The following ABCC9 variants were observed in gnomAD, a reference collection of about 807,000 sequenced individuals.
The protein encoded by ABCC9 is ATP-binding cassette sub-family C member 9.
ABCC9 carries 95 observed loss-of-function variants against 188.3 expected under a neutral mutation model. The observed-to-expected ratio is 0.50, with a 90% CI of 0.43 to 0.60. The LOEUF is 0.60. ABCC9 is among the 20% of genes least tolerant of loss of function. The pLI is 0.00. For synonymous variants in ABCC9, 659 were observed against 652.7 expected (o/e 1.01, Z -0.15); for missense variants, 1,102 against 1,876.3 (o/e 0.59, Z 7.62).
chr12:21,804,262 A>T (rs577728873), intron 39 of ABCC9, among the ~76,000 whole-genome samples: 1 of 152,346 alleles, frequency 6.6e-6, no homozygotes, highest in African/African-American at 2.4e-5. Context: ...TAATTAGGAA[A>T]CCTAACATTT....
intron 10 of ABCC9, 103 bp from the exon 11 acceptor site, chr12:21,908,314 A>C: frequency 7.2e-7 from 1 of 1,394,194 alleles, no homozygotes; most frequent in Non-Finnish European, 1.0e-6. Flanking sequence ...CTTAATTATT[A>C]TATTGTTTAT....
chr12:21,840,466 C>T (rs1944325852), intron 29 of ABCC9, among the ~76,000 whole-genome samples: 1 of 152,162 alleles, frequency 6.6e-6, no homozygotes, highest in Non-Finnish European at 1.5e-5. Flanking sequence ...GAACAGAATT[C>T]ACAATTCAAA....
At chr12:21,830,415 C>T (rs538258472) in intron 30 of ABCC9, among the ~76,000 whole-genome samples, 1 of 152,276 alleles carries the variant, frequency 6.6e-6, no homozygotes, top group Non-Finnish European at 1.5e-5. Context: ...ATAGAGACCT[C>T]CCATCTATGG....
chr12:21,865,482 C>T (rs1020123183), intron 18 of ABCC9, among the ~76,000 whole-genome samples: 1 of 152,080 alleles, frequency 6.6e-6, no homozygotes, highest in African/African-American at 2.4e-5. Context: ...ATATTTTCCA[C>T]GCAATATGCT....
chr12:21,845,903 A>G, intron 25 of ABCC9, 71 bp from the exon 26 acceptor site: 1 of 1,091,436 alleles, frequency 9.2e-7, no homozygotes, highest in Non-Finnish European at 1.4e-6. Context: ...TGCTCCACAA[A>G]TAGTATATAA....
At chr12:21,806,127 A>G (rs1941825593) in intron 38 of ABCC9, 67 bp from the exon 39 acceptor site, 1 of 1,407,284 alleles carries the variant, frequency 7.1e-7, no homozygotes, top group East Asian at 2.3e-5. Flanking sequence ...TGCCCCAAGA[A>G]CAATCAATAT....
chr12:21,858,650 G>A (rs1945349584), intron 22 of ABCC9, among the ~76,000 whole-genome samples: 2 of 151,994 alleles, frequency 1.3e-5, no homozygotes, highest in Non-Finnish European at 2.9e-5. Context: ...GTGTTTTTAG[G>A]TTTTGAGGGG....
At chr12:21,832,642 G>A (rs1943839391) in intron 30 of ABCC9, among the ~76,000 whole-genome samples, 1 of 151,914 alleles carries the variant, frequency 6.6e-6, no homozygotes, top group African/African-American at 2.4e-5. Context: ...ATATTGACGT[G>A]GTGAAAAGGG....
At chr12:21,939,554 T>A (rs1406030154) in intron 2 of ABCC9, among the ~76,000 whole-genome samples, 1 of 152,214 alleles carries the variant, frequency 6.6e-6, no homozygotes, top group East Asian at 1.9e-4. Flanking sequence ...CTGTTCTTGC[T>A]GGCTAAACTC....
chr12:21,890,265 A>C (rs1458984589), intron 14 of ABCC9, among the ~76,000 whole-genome samples: 3 of 152,146 alleles, frequency 2.0e-5, no homozygotes, highest in African/African-American at 7.2e-5. Flanking sequence ...CGCTTCTTAA[A>C]GTGACAACTG....
At chr12:21,905,584 C>T (rs911683069) in intron 12 of ABCC9, among the ~76,000 whole-genome samples, 4 of 151,688 alleles carry the variant, frequency 2.6e-5, no homozygotes, top group Non-Finnish European at 2.9e-5. Context: ...ATAATAAAAG[C>T]GAGATATTTT....
chr12:21,885,357 A>C (rs950852160), intron 15 of ABCC9, among the ~76,000 whole-genome samples: 1 of 152,194 alleles, frequency 6.6e-6, no homozygotes, highest in Admixed American at 6.5e-5. Context: ...AACCCTGAAG[A>C]TATTGGATGC....
At chr12:21,826,825 C>T (rs1210281728) in intron 31 of ABCC9, among the ~76,000 whole-genome samples, 2 of 152,100 alleles carry the variant, frequency 1.3e-5, no homozygotes, top group African/African-American at 2.4e-5. Flanking sequence ...ACGTTTCTTG[C>T]CAAAATATAT....
intron 16 of ABCC9, among the ~76,000 whole-genome samples, chr12:21,879,360 A>G (rs1946518166): frequency 6.6e-6 from 1 of 152,236 alleles, no homozygotes; most frequent in African/African-American, 2.4e-5. Context: ...GGAGCCAGAT[A>G]GACACAAAAT....
chr12:21,846,861 C>T (rs1230052102), intron 25 of ABCC9, among the ~76,000 whole-genome samples: 2 of 151,868 alleles, frequency 1.3e-5, no homozygotes, highest in Non-Finnish European at 2.9e-5. Flanking sequence ...GACAGCATTT[C>T]CTCACATTCC....
At chr12:21,864,616 C>A in intron 18 of ABCC9, 139 bp from the exon 19 acceptor site, 1 of 667,600 alleles carries the variant, frequency 1.5e-6, no homozygotes, top group South Asian at 1.8e-5. Context: ...ATATTAATTT[C>A]AAAGACAAAC....
At chr12:21,863,184 AAG>A in intron 19 of ABCC9, 130 bp from the exon 20 acceptor site, 5 of 673,400 alleles carry the variant, frequency 7.4e-6, no homozygotes, top group Non-Finnish European at 1.0e-5. Context: ...AAACTTCTAA[AAG>A]AGAAAAATTT....
intron 29 of ABCC9, among the ~76,000 whole-genome samples, chr12:21,839,482 A>T (rs1485696409): frequency 6.6e-6 from 1 of 152,222 alleles, no homozygotes; most frequent in Admixed American, 6.5e-5. Flanking sequence ...CCACATGTAC[A>T]TAAAACACAG....
rs113307208 is a variant in ABCC9, at chr12:21,799,826, C to A, written c.*1218G>T. On this transcript the variant is annotated 3_prime_UTR_variant, in exon 40 of 40. Coordinates refer to ENST00000261200, the MANE Select transcript of ABCC9 (RefSeq NM_020297.4). ...CAGAATAGTAGAAACTGGTTGCTAA[C>A]GTGACAAAGAAGGTGACTTTTAGTA... 2 of 152,110 alleles carry A rather than the reference C, an allele frequency of 1.3e-5. No individual in the cohort carries two copies. Among genetic ancestry groups the A allele is most frequent in the Non-Finnish European group, 1.5e-5 (1 of 68,008 alleles). 9.4% of individuals were successfully genotyped at this position (152,110 alleles called of 1,614,324 possible).
Sources: allele counts gnomAD v4.1 joint callset (sites outside exome capture counted in the v4.1 genomes callset), GRCh38; gene constraint gnomAD v4.1.1; transcripts MANE v1.5; gene names NCBI Gene and HGNC (gene_info 2026-07-23, HGNC 2026-07-21).